The following CPA6 variants were observed in gnomAD, a reference collection of about 807,000 sequenced individuals.
CPA6 encodes the protein carboxypeptidase B.
In CPA6, 58 loss-of-function variants were observed where a neutral mutation model predicts 63.3. The observed-to-expected ratio is 0.92, with a 90% CI of 0.74 to 1.14. The LOEUF (loss-of-function observed/expected upper bound fraction) is 1.14. CPA6 is among the 50% of genes most tolerant of loss of function. CPA6 has a pLI of 0.00. For missense variants in CPA6, 565 were observed against 526.6 expected (o/e 1.07, Z -0.71); for synonymous variants, 185 against 179.0 (o/e 1.03, Z -0.27).
chr8:67,571,877 G>A (rs977140690), intron 2 of CPA6, among the ~76,000 whole-genome samples: 1 of 151,896 alleles, frequency 6.6e-6, no homozygotes, highest in African/African-American at 2.4e-5. Context: ...CAATATGGAA[G>A]ATTGATTAAA....
At chr8:67,663,346 G>A (rs1428329831) in intron 1 of CPA6, among the ~76,000 whole-genome samples, 1 of 152,122 alleles carries the variant, frequency 6.6e-6, no homozygotes, top group Non-Finnish European at 1.5e-5. Context: ...TCTGCTTGAG[G>A]TAGCAAGCAC....
chr8:67,729,691 A>G (rs1264592081), intron 1 of CPA6, among the ~76,000 whole-genome samples: 1 of 152,254 alleles, frequency 6.6e-6, no homozygotes, highest in Non-Finnish European at 1.5e-5. Context: ...ATTAATGGCA[A>G]CAAAGACGGG....
intron 2 of CPA6, among the ~76,000 whole-genome samples, chr8:67,545,917 G>A (rs1038449940): frequency 3.3e-5 from 5 of 151,946 alleles, no homozygotes; most frequent in Admixed American, 1.3e-4. Context: ...GTCATCCATC[G>A]AGTAGAAGAT....
chr8:67,511,463 C>T, intron 4 of CPA6, 78 bp downstream of exon 4: 1 of 801,900 alleles, frequency 1.2e-6, no homozygotes, highest in Non-Finnish European at 2.2e-6. Context: ...AAGCATAAAA[C>T]ACATAATTTT....
At chr8:67,671,401 C>A (rs1563386436) in intron 1 of CPA6, among the ~76,000 whole-genome samples, 1 of 152,184 alleles carries the variant, frequency 6.6e-6, no homozygotes, top group African/African-American at 2.4e-5. Flanking sequence ...CTTCACCAAG[C>A]TCCTGTTCAG....
At chr8:67,435,058 C>CT (rs1392797777) in intron 8 of CPA6, among the ~76,000 whole-genome samples, 2 of 152,346 alleles carry the variant, frequency 1.3e-5, no homozygotes, top group East Asian at 3.9e-4. Flanking sequence ...GCCCCCTTCC[C>CT]TTTCTGTACT....
chr8:67,503,468 AT>A (rs869172205), intron 6 of CPA6, among the ~76,000 whole-genome samples: 25,171 of 125,924 alleles, frequency 0.2, 1,804 homozygotes, highest in African/African-American at 0.33. Context: ...AGCTAATTAA[AT>A]TTTTTTTTTT....
At chr8:67,735,183 CCT>C (rs1817789309) in intron 1 of CPA6, 1 of 151,918 alleles carries the variant, frequency 6.6e-6, no homozygotes, top group East Asian at 1.9e-4. Context: ...TTAATCTCTC[CCT>C]CTTTTTCAGT....
chr8:67,450,050 A>G (rs1316743347), intron 8 of CPA6, among the ~76,000 whole-genome samples: 1 of 151,792 alleles, frequency 6.6e-6, no homozygotes, highest in Non-Finnish European at 1.5e-5. Context: ...TCCTGACCTC[A>G]GGTGATCCAA....
chr8:67,599,840 A>G (rs533054376), intron 2 of CPA6, among the ~76,000 whole-genome samples: 204 of 152,334 alleles, frequency 1.3e-3, no homozygotes, highest in African/African-American at 4.4e-3. Context: ...GTGCCTCTGC[A>G]AAAATCTGCC....
At chr8:67,665,093 T>C (rs1816198109) in intron 1 of CPA6, among the ~76,000 whole-genome samples, 1 of 152,128 alleles carries the variant, frequency 6.6e-6, no homozygotes, top group Non-Finnish European at 1.5e-5. Flanking sequence ...TCGGCAAAGT[T>C]TTCACTTTTA....
rs147058082 is a variant in CPA6, at chr8:67,622,158, G to A, written c.192+2018C>T. Among the ~76,000 whole-genome samples, 3 of 152,288 alleles carry A rather than the reference G, an allele frequency of 2.0e-5. No homozygotes were observed. The East Asian group carries it at 5.8e-4, about 29-fold the overall frequency. ...AGAAACATCCTTTGAGAAATATTTT[G>A]CTCCAATATTTTGTTCAGAATATCT... On this transcript the variant is annotated intron_variant, in intron 2 of 10. Transcript: ENST00000297770.
At chr8:67,568,610 T>A (rs1239230665) in intron 2 of CPA6, among the ~76,000 whole-genome samples, 1 of 151,864 alleles carries the variant, frequency 6.6e-6, no homozygotes, top group African/African-American at 2.4e-5. Flanking sequence ...AACTACTTAA[T>A]CAGGGAAGCA....
chr8:67,506,920 C>T (rs371768435), intron 5 of CPA6, 32 bp from the exon 6 acceptor site: 33 of 1,469,826 alleles, frequency 2.2e-5, no homozygotes, highest in Non-Finnish European at 2.9e-5. Context: ...GTAACCAACT[C>T]AGGCTTTTAG....
chr8:67,442,027 T>C (rs1381853901), intron 8 of CPA6, among the ~76,000 whole-genome samples: 1 of 152,070 alleles, frequency 6.6e-6, no homozygotes, highest in Non-Finnish European at 1.5e-5. Flanking sequence ...AATTAAGAAG[T>C]TTTTAGTATT....
At chr8:67,475,859 CTTT>C (rs1811195063) in intron 8 of CPA6, among the ~76,000 whole-genome samples, 3 of 78,932 alleles carry the variant, frequency 3.8e-5, no homozygotes, top group East Asian at 3.4e-4. Flanking sequence ...TTCTTTCTTT[CTTT>C]CTTTCTTTCT....
intron 10 of CPA6, 109 bp downstream of exon 10, chr8:67,427,938 A>C: frequency 2.9e-6 from 2 of 686,888 alleles, no homozygotes. Context: ...TTGATAGTCA[A>C]AATTTTCACT....
chr8:67,700,602 C>T (rs1817004278), intron 1 of CPA6, among the ~76,000 whole-genome samples: 1 of 152,152 alleles, frequency 6.6e-6, no homozygotes, highest in Non-Finnish European at 1.5e-5. Flanking sequence ...GAGCAATTTT[C>T]CCTTAAGGAT....
At chr8:67,691,033 A>T (rs1487085189) in intron 1 of CPA6, among the ~76,000 whole-genome samples, 1 of 152,244 alleles carries the variant, frequency 6.6e-6, no homozygotes, top group Non-Finnish European at 1.5e-5. Flanking sequence ...CTTTCTGTAC[A>T]TTAACTTGAA....
Sources: allele counts gnomAD v4.1 joint callset (sites outside exome capture counted in the v4.1 genomes callset), GRCh38; gene constraint gnomAD v4.1.1; transcripts MANE v1.5; gene names NCBI Gene and HGNC (gene_info 2026-07-23, HGNC 2026-07-21).